Variants in SLX4IP observed in about 807,000 individuals in gnomAD.
The protein encoded by SLX4IP is protein SLX4IP.
A neutral mutation model predicts 32.9 loss-of-function variants in SLX4IP; 34 were observed. The ratio of observed to expected loss-of-function variants is 1.03; its 90% CI spans 0.79 to 1.38. The LOEUF (loss-of-function observed/expected upper bound fraction) is 1.38. Ranked by LOEUF, SLX4IP falls within the 40% of genes most tolerant of loss-of-function variation. The pLI is 0.00. For missense variants in SLX4IP, 444 were observed against 479.0 expected, an observed-to-expected ratio of 0.93 and a Z score of 0.68; for synonymous variants, 172 against 171.7, an observed-to-expected ratio of 1.00 and a Z score of -0.01.
At chr20:10,539,704 A>G (rs2066081943) in intron 2 of SLX4IP, among the ~76,000 whole-genome samples, 1 of 152,176 alleles carries the variant, frequency 6.6e-6, no homozygotes, top group African/African-American at 2.4e-5. Context: ...GTAGTCTCCA[A>G]ATTTAAATAG....
chr20:10,475,382 A>G (rs776977326), intron 2 of SLX4IP, among the ~76,000 whole-genome samples: 7 of 152,194 alleles, frequency 4.6e-5, no homozygotes, highest in Admixed American at 6.5e-5. Flanking sequence ...CTGCTAGTCA[A>G]GGCTCTTTGG....
chr20:10,601,046 C>T (rs546333084), intron 5 of SLX4IP, among the ~76,000 whole-genome samples: 5 of 152,042 alleles, frequency 3.3e-5, no homozygotes, highest in Non-Finnish European at 5.9e-5. Context: ...CATTGAATGC[C>T]GAGGAGTCCA....
intron 2 of SLX4IP, among the ~76,000 whole-genome samples, chr20:10,492,192 G>T (rs1600926339): frequency 6.6e-6 from 1 of 152,208 alleles, no homozygotes; most frequent in Non-Finnish European, 1.5e-5. Context: ...TCTTGGGTGT[G>T]TGAATAGGGA....
intron 1 of SLX4IP, among the ~76,000 whole-genome samples, chr20:10,445,650 A>G (rs938694319): frequency 8.1e-6 from 1 of 123,830 alleles, no homozygotes; most frequent in Non-Finnish European, 1.7e-5. Flanking sequence ...TTTGAGATGG[A>G]GTCTCACTCT....
intron 2 of SLX4IP, among the ~76,000 whole-genome samples, chr20:10,517,564 C>A (rs1209564108): frequency 6.6e-6 from 1 of 152,198 alleles, no homozygotes; most frequent in African/African-American, 2.4e-5. Flanking sequence ...AAGTTGCACT[C>A]CTAGCTCCTT....
chr20:10,495,256 C>T (rs1194849955), intron 2 of SLX4IP, among the ~76,000 whole-genome samples: 2 of 152,048 alleles, frequency 1.3e-5, no homozygotes, highest in Non-Finnish European at 2.9e-5. Flanking sequence ...TTTCTCCTTA[C>T]TGTCTGATTT....
At chr20:10,548,665 A>G (rs1389727286) in intron 2 of SLX4IP, among the ~76,000 whole-genome samples, 2 of 152,214 alleles carry the variant, frequency 1.3e-5, no homozygotes, top group Non-Finnish European at 2.9e-5. Flanking sequence ...CACCGCACCA[A>G]ACAAAACCCA....
chr20:10,601,025 T>C (rs2066835191), intron 5 of SLX4IP, among the ~76,000 whole-genome samples: 1 of 152,202 alleles, frequency 6.6e-6, no homozygotes. Context: ...ATTACCATCT[T>C]GCCTTCCTTT....
chr20:10,468,669 AG>A (rs1465928133), intron 2 of SLX4IP, among the ~76,000 whole-genome samples: 1 of 152,088 alleles, frequency 6.6e-6, no homozygotes, highest in Non-Finnish European at 1.5e-5. Flanking sequence ...GCTTTTTCCA[AG>A]CTTGACCAGT....
intron 2 of SLX4IP, among the ~76,000 whole-genome samples, chr20:10,468,722 C>G (rs538867945): frequency 6.6e-6 from 1 of 152,294 alleles, no homozygotes; most frequent in African/African-American, 2.4e-5. Context: ...AAACCTTTCC[C>G]ATATTGATTT....
At chr20:10,500,262 C>T (rs922670279) in intron 2 of SLX4IP, among the ~76,000 whole-genome samples, 2 of 148,116 alleles carry the variant, frequency 1.4e-5, no homozygotes, top group African/African-American at 2.5e-5. Context: ...TCCTGAGTTG[C>T]GATTACAGGT....
At chr20:10,471,181 C>T (rs1420145231) in intron 2 of SLX4IP, among the ~76,000 whole-genome samples, 1 of 152,106 alleles carries the variant, frequency 6.6e-6, no homozygotes, top group African/African-American at 2.4e-5. Flanking sequence ...AGGGACTTGG[C>T]CTTGACTTAT....
Position 10,441,977 on chromosome 20 carries a change from T to C in SLX4IP, c.-30+6524T>C, listed in dbSNP as rs2065163352. Among the ~76,000 whole-genome samples the C allele has an allele frequency of 2.6e-5, 4 of 152,210 alleles. No homozygotes were observed. The South Asian group carries it at 8.3e-4, about 32-fold the overall frequency. On this transcript the variant is annotated intron_variant, in intron 1 of 7. Transcript: ENST00000334534. ...AGGACAACAGTGAAATGATTTCTCA[T>C]TCTTGAATTATAGCTGTAACTTCAG...
At chr20:10,554,184 T>A (rs2066245852) in intron 2 of SLX4IP, among the ~76,000 whole-genome samples, 1 of 152,210 alleles carries the variant, frequency 6.6e-6, no homozygotes, top group Non-Finnish European at 1.5e-5. Flanking sequence ...TTTGCTGTTT[T>A]AGAATTATAT....
intron 2 of SLX4IP, among the ~76,000 whole-genome samples, chr20:10,526,472 A>G (rs78657306): frequency 0.027 from 4,041 of 152,248 alleles, 97 homozygotes; most frequent in Admixed American, 0.094. Flanking sequence ...ACGTGCTGGT[A>G]TTTGTCTGAA....
chr20:10,553,607 TTAACAG>T (rs1419251291), intron 2 of SLX4IP, among the ~76,000 whole-genome samples: 1 of 152,188 alleles, frequency 6.6e-6, no homozygotes, highest in East Asian at 1.9e-4. Context: ...GAGAAGGACT[TTAACAG>T]TATACTTGAG....
chr20:10,589,814 A>G (rs1009040040), intron 4 of SLX4IP, among the ~76,000 whole-genome samples: 5 of 34 alleles, frequency 0.15, no homozygotes, highest in Admixed American at 0.25. Flanking sequence ...GAAGATATCA[A>G]AAGTCGAAAG....
At chr20:10,475,253 C>T (rs758889965) in intron 2 of SLX4IP, among the ~76,000 whole-genome samples, 1 of 152,216 alleles carries the variant, frequency 6.6e-6, no homozygotes, top group Non-Finnish European at 1.5e-5. Flanking sequence ...CATCCTTGTT[C>T]AGCTCCTTCA....
intron 2 of SLX4IP, among the ~76,000 whole-genome samples, chr20:10,520,624 C>T (rs897739004): frequency 1.6e-4 from 25 of 151,998 alleles, no homozygotes; most frequent in Non-Finnish European, 3.4e-4. Flanking sequence ...ATGTTTTCTT[C>T]TAAGAGTTTT....
Sources: gnomAD v4.1 joint callset for allele counts (sites outside exome capture counted in the v4.1 genomes callset) on GRCh38, gnomAD v4.1.1 for gene constraint, MANE v1.5 for transcripts, NCBI Gene and HGNC (gene_info 2026-07-23, HGNC 2026-07-21) for gene names.